Variants in DSCAM observed in about 807,000 individuals in gnomAD.
DSCAM encodes cell adhesion molecule DSCAM.
A neutral mutation model predicts 217.7 loss-of-function variants in DSCAM; 47 were observed. The ratio of observed to expected loss-of-function variants is 0.22; its 90% CI spans 0.17 to 0.28. DSCAM has a LOEUF of 0.28. DSCAM is among the 10% of genes least tolerant of loss of function. The pLI, the probability that DSCAM is intolerant of heterozygous loss-of-function variation, is 1.00. For missense variants in DSCAM, 2,080 were observed against 2,618.3 expected (o/e 0.79, Z 4.49); for synonymous variants, 1,056 against 1,015.3 (o/e 1.04, Z -0.76).
chr21:40,417,133 T>C (rs2075379508), intron 3 of DSCAM, among the ~76,000 whole-genome samples: 1 of 152,216 alleles, frequency 6.6e-6, no homozygotes, highest in Admixed American at 6.5e-5. Context: ...AAATTTTCCT[T>C]TAATAGCATT....
intron 18 of DSCAM, among the ~76,000 whole-genome samples, chr21:40,140,299 T>G (rs2090273929): frequency 6.6e-6 from 1 of 152,164 alleles, no homozygotes; most frequent in African/African-American, 2.4e-5. Flanking sequence ...ATCCCATGAG[T>G]GAAAGTATCT....
At chr21:40,175,213 G>T (rs1253767172) in intron 15 of DSCAM, among the ~76,000 whole-genome samples, 2 of 152,118 alleles carry the variant, frequency 1.3e-5, no homozygotes, top group Admixed American at 6.5e-5. Flanking sequence ...GGGTTCAAGC[G>T]ATTCTCCTGT....
chr21:40,805,001 G>A (rs1163655046), intron 1 of DSCAM, among the ~76,000 whole-genome samples: 5 of 152,054 alleles, frequency 3.3e-5, no homozygotes, highest in Admixed American at 6.5e-5. Flanking sequence ...TGAAAGGCAC[G>A]TCCACTCAGC....
At chr21:40,501,302 A>G (rs1283338173) in intron 3 of DSCAM, among the ~76,000 whole-genome samples, 1 of 152,140 alleles carries the variant, frequency 6.6e-6, no homozygotes, top group African/African-American at 2.4e-5. Context: ...ATATTCTTCA[A>G]ATACATATTT....
chr21:40,765,324 C>T (rs1349163266), intron 1 of DSCAM, among the ~76,000 whole-genome samples: 1 of 151,904 alleles, frequency 6.6e-6, no homozygotes, highest in Admixed American at 6.6e-5. Context: ...CCTGGCCCAG[C>T]CCCTGGCCCT....
chr21:40,643,676 C>A (rs1459941279), intron 3 of DSCAM, among the ~76,000 whole-genome samples: 1 of 152,116 alleles, frequency 6.6e-6, no homozygotes, highest in Non-Finnish European at 1.5e-5. Flanking sequence ...TAGACAGAGT[C>A]TTCAAGTTAG....
intron 1 of DSCAM, among the ~76,000 whole-genome samples, chr21:40,722,899 A>G (rs555317068): frequency 5.9e-5 from 9 of 152,284 alleles, no homozygotes; most frequent in African/African-American, 2.2e-4. Context: ...AGATTTTAGA[A>G]TAAGAAATAT....
At chr21:40,553,686 G>A (rs117867142) in intron 3 of DSCAM, among the ~76,000 whole-genome samples, 5 of 152,156 alleles carry the variant, frequency 3.3e-5, no homozygotes, top group East Asian at 3.9e-4. Flanking sequence ...TAACACATCC[G>A]TTTGCACCCA....
chr21:40,551,949 C>T (rs1050122089), intron 3 of DSCAM, among the ~76,000 whole-genome samples: 2 of 152,110 alleles, frequency 1.3e-5, no homozygotes, highest in Non-Finnish European at 2.9e-5. Context: ...AGCTGGGGGG[C>T]TTAGACTTGT....
At chr21:40,699,349 T>A (rs541243129) in intron 2 of DSCAM, among the ~76,000 whole-genome samples, 1 of 152,234 alleles carries the variant, frequency 6.6e-6, no homozygotes, top group East Asian at 1.9e-4. Flanking sequence ...AATACTGAAA[T>A]TAAATCAATA....
intron 1 of DSCAM, among the ~76,000 whole-genome samples, chr21:40,727,710 C>T (rs1396615037): frequency 2.0e-5 from 3 of 152,152 alleles, no homozygotes; most frequent in Admixed American, 1.3e-4. Context: ...ACACTCTCAT[C>T]CATCAGCTCC....
intron 3 of DSCAM, among the ~76,000 whole-genome samples, chr21:40,394,930 ATGTT>A (rs1331567227): frequency 6.6e-6 from 1 of 152,228 alleles, no homozygotes; most frequent in Non-Finnish European, 1.5e-5. Context: ...TCTTTACTGT[ATGTT>A]AAATATTTCC....
At chr21:40,729,558 A>G (rs1002202557) in intron 1 of DSCAM, among the ~76,000 whole-genome samples, 1 of 152,230 alleles carries the variant, frequency 6.6e-6, no homozygotes, top group African/African-American at 2.4e-5. Context: ...CTTAACATTT[A>G]GATAGATTGA....
intron 18 of DSCAM, among the ~76,000 whole-genome samples, chr21:40,134,598 T>C (rs1034552387): frequency 6.6e-6 from 1 of 152,204 alleles, no homozygotes; most frequent in African/African-American, 2.4e-5. Flanking sequence ...ACATTAGATC[T>C]CCAGAACTTA....
chr21:40,259,560 A>G (rs2073420088), intron 11 of DSCAM, among the ~76,000 whole-genome samples: 1 of 151,400 alleles, frequency 6.6e-6, no homozygotes, highest in Non-Finnish European at 1.5e-5. Flanking sequence ...AGAAGTTAAA[A>G]GTTACCTCCA....
At chr21:40,230,808 T>C (rs1380767646) in intron 11 of DSCAM, among the ~76,000 whole-genome samples, 1 of 152,128 alleles carries the variant, frequency 6.6e-6, no homozygotes, top group Non-Finnish European at 1.5e-5. Flanking sequence ...TGGTCATAAG[T>C]TGTGAGGGTT....
chr21:40,569,742 C>T (rs1033684915), intron 3 of DSCAM, among the ~76,000 whole-genome samples: 4 of 152,164 alleles, frequency 2.6e-5, no homozygotes, highest in African/African-American at 9.7e-5. Flanking sequence ...CTTTCAGGAG[C>T]TTCAATTATG....
intron 1 of DSCAM, among the ~76,000 whole-genome samples, chr21:40,753,425 A>G (rs1371276320): frequency 1.3e-5 from 2 of 152,258 alleles, no homozygotes; most frequent in Non-Finnish European, 2.9e-5. Flanking sequence ...AACATTTAGT[A>G]TGGGAGAAGG....
chr21:40,071,460 G>A (rs77060832), intron 27 of DSCAM, among the ~76,000 whole-genome samples: 8,839 of 152,052 alleles, frequency 0.058, 519 homozygotes, highest in African/African-American at 0.15. Context: ...ATCTAACTAG[G>A]TTACTTGTCT....
Sources: allele counts gnomAD v4.1 joint callset (sites outside exome capture counted in the v4.1 genomes callset), GRCh38; gene constraint gnomAD v4.1.1; transcripts MANE v1.5; gene names NCBI Gene and HGNC (gene_info 2026-07-23, HGNC 2026-07-21).